Variants in CSMD1 observed in about 807,000 individuals in gnomAD.
CSMD1 encodes the protein CUB and sushi domain-containing protein 1.
In CSMD1, 213 loss-of-function variants were observed where a neutral mutation model predicts 417.5. The observed-to-expected ratio is 0.51, with a 90% confidence interval of 0.46 to 0.57. The LOEUF is 0.57. Ranked by LOEUF, CSMD1 falls within the 20% of genes least tolerant of loss-of-function variation. The pLI is 0.00. For synonymous variants in CSMD1, 2,862 were observed against 1,736.8 expected (o/e 1.65, Z -16.11); for missense variants, 6,923 against 4,529.7 (o/e 1.53, Z -15.17).
chr8:4,457,203 G>A (rs1218417054), intron 2 of CSMD1, among the ~76,000 whole-genome samples: 1 of 152,124 alleles, frequency 6.6e-6, no homozygotes, highest in Non-Finnish European at 1.5e-5. Context: ...TTAAACACAT[G>A]TGGAGGGAAG....
intron 40 of CSMD1, 25 bp downstream of exon 40, chr8:3,151,372 A>C (rs770768302): frequency 4.1e-6 from 6 of 1,455,034 alleles, no homozygotes; most frequent in African/African-American, 2.8e-5. Context: ...ATGAACTTTT[A>C]GGAATTGGTA....
chr8:4,869,253 T>C (rs1386237994), intron 1 of CSMD1, among the ~76,000 whole-genome samples: 1 of 152,016 alleles, frequency 6.6e-6, no homozygotes, highest in East Asian at 1.9e-4. Context: ...TATGAACGTA[T>C]ATATTATCAT....
At chr8:4,922,609 G>T (rs190192999) in intron 1 of CSMD1, among the ~76,000 whole-genome samples, 4 of 152,110 alleles carry the variant, frequency 2.6e-5, no homozygotes, top group African/African-American at 9.7e-5. Context: ...ATGAGAGAAG[G>T]TATGCAGATA....
chr8:3,933,682 CG>C (rs1157178939), intron 5 of CSMD1, among the ~76,000 whole-genome samples: 3 of 152,104 alleles, frequency 2.0e-5, no homozygotes, highest in African/African-American at 7.2e-5. Context: ...CAAAATGTTT[CG>C]CATGCAATTT....
At chr8:4,490,187 C>A (rs1055870760) in intron 2 of CSMD1, among the ~76,000 whole-genome samples, 1 of 151,888 alleles carries the variant, frequency 6.6e-6, no homozygotes, top group Non-Finnish European at 1.5e-5. Context: ...ATTACAGGTG[C>A]CCGCCACTGC....
chr8:4,568,311 ATGTGTCCC>A (rs1322095567), intron 2 of CSMD1, among the ~76,000 whole-genome samples: 1 of 151,926 alleles, frequency 6.6e-6, no homozygotes, highest in Non-Finnish European at 1.5e-5. Flanking sequence ...CCCGTCTATG[ATGTGTCCC>A]TGTGTCCCTG....
chr8:4,126,168 C>CCA (rs1369311409), intron 3 of CSMD1, among the ~76,000 whole-genome samples: 2 of 152,132 alleles, frequency 1.3e-5, no homozygotes, highest in African/African-American at 4.8e-5. Flanking sequence ...TCCCAAGCCC[C>CCA]CACCCACCAA....
At chr8:3,989,037 T>C (rs1814545111) in intron 5 of CSMD1, among the ~76,000 whole-genome samples, 2 of 152,176 alleles carry the variant, frequency 1.3e-5, no homozygotes, top group Admixed American at 1.3e-4. Flanking sequence ...TTTCAAAAAG[T>C]TTTTCTTTTT....
rs113199589 is a variant in CSMD1, at chr8:4,052,078, T to C, written c.416-19979A>G. Among the ~76,000 whole-genome samples the C allele has an allele frequency of 1.3e-5, 2 of 152,086 alleles. 1 individual carries two copies. The highest frequency in any genetic ancestry group is 4.2e-4 in the South Asian group (2 of 4,816). On this transcript the variant is annotated intron_variant, in intron 3 of 69. Coordinates refer to ENST00000635120, the MANE Select transcript of CSMD1 (RefSeq NM_033225.6). ...AGCCTCCCAAGTAGCCGGGACTAAA[T>C]ACCCAGCTAATTTCTGTATTTTTAA... is the stretch of plus-strand genomic sequence containing the variant.
intron 1 of CSMD1, among the ~76,000 whole-genome samples, chr8:4,722,522 G>A (rs1354509353): frequency 6.6e-6 from 1 of 152,028 alleles, no homozygotes; most frequent in African/African-American, 2.4e-5. Context: ...TGATTCTTCA[G>A]GAGTATGCTC....
chr8:4,033,456 A>G (rs1197382278), intron 3 of CSMD1, among the ~76,000 whole-genome samples: 1 of 152,102 alleles, frequency 6.6e-6, no homozygotes, highest in Non-Finnish European at 1.5e-5. Context: ...AAACAAAACA[A>G]CAACAATAAA....
At chr8:4,496,614 G>T (rs928260643) in intron 2 of CSMD1, among the ~76,000 whole-genome samples, 1 of 151,990 alleles carries the variant, frequency 6.6e-6, no homozygotes, top group African/African-American at 2.4e-5. Context: ...TGTTATTCCT[G>T]GTTTGTTCCT....
rs541399765 is a variant in CSMD1, at chr8:3,175,572, C to T, written c.5725+5538G>A. On this transcript the variant is annotated intron_variant, in intron 37 of 69. Coordinates refer to ENST00000635120, the MANE Select transcript of CSMD1 (RefSeq NM_033225.6). ...CCCTCTCTCCCTCCCTGCCTTCCTTCCTTCCTTCCTTTTTGTCCTCCCTCC... is the reference window on the plus strand; with the variant it reads ...CCCTCTCTCCCTCCCTGCCTTCCTTTCTTCCTTCCTTTTTGTCCTCCCTCC... 4.1e-4 allele frequency among the ~76,000 whole-genome samples: 60 copies of T among 145,994 alleles called. 1 individual carries two copies. Among genetic ancestry groups the T allele is most frequent in the Non-Finnish European group, 4.7e-4 (31 of 65,434 alleles).
At chr8:3,873,343 T>C (rs1437005883) in intron 5 of CSMD1, among the ~76,000 whole-genome samples, 1 of 152,022 alleles carries the variant, frequency 6.6e-6, no homozygotes, top group Non-Finnish European at 1.5e-5. Flanking sequence ...GAAAATGTGA[T>C]ATGTATATAC....
At chr8:3,358,687 T>G (rs1050764277) in intron 21 of CSMD1, among the ~76,000 whole-genome samples, 5 of 152,002 alleles carry the variant, frequency 3.3e-5, no homozygotes, top group African/African-American at 1.2e-4. Context: ...TTAGCAGGAG[T>G]GTGCAACCAT....
intron 10 of CSMD1, among the ~76,000 whole-genome samples, chr8:3,494,524 T>C (rs1377497236): frequency 6.6e-6 from 1 of 151,244 alleles, no homozygotes; most frequent in African/African-American, 2.4e-5. Flanking sequence ...AGATGGATGG[T>C]AGAAGATTAG....
chr8:4,070,848 T>C (rs577839011), intron 3 of CSMD1, among the ~76,000 whole-genome samples: 3 of 152,360 alleles, frequency 2.0e-5, no homozygotes, highest in Admixed American at 1.3e-4. Context: ...TCACGTGATA[T>C]AAATGTCTAG....
intron 7 of CSMD1, among the ~76,000 whole-genome samples, chr8:3,635,366 C>T (rs1050478935): frequency 2.0e-5 from 3 of 151,896 alleles, no homozygotes; most frequent in Non-Finnish European, 4.4e-5. Flanking sequence ...CCCAGCTACT[C>T]GGGAGGCTGA....
At chr8:4,417,053 C>G (rs1335581477) in intron 3 of CSMD1, among the ~76,000 whole-genome samples, 32 of 152,054 alleles carry the variant, frequency 2.1e-4, no homozygotes. Context: ...TCTTACAACA[C>G]TGAATTAAGT....
Sources: allele counts gnomAD v4.1 joint callset (sites outside exome capture counted in the v4.1 genomes callset), GRCh38; gene constraint gnomAD v4.1.1; transcripts MANE v1.5; gene names NCBI Gene and HGNC (gene_info 2026-07-23, HGNC 2026-07-21).